The following RRM2 variants were observed in gnomAD, a reference collection of about 807,000 sequenced individuals.
The protein encoded by RRM2 is ribonucleotide reductase regulatory subunit M2, also known as ribonucleoside-diphosphate reductase subunit M2.
A neutral mutation model predicts 45.9 loss-of-function variants in RRM2; 6 were observed. The observed-to-expected ratio is 0.13, with a 90% CI of 0.07 to 0.26. RRM2 has a LOEUF of 0.26. RRM2 is among the 10% of genes least tolerant of loss of function. The pLI, the probability that RRM2 is intolerant of heterozygous loss-of-function variation, is 1.00. For synonymous variants in RRM2, 177 were observed against 173.0 expected (o/e 1.02, Z -0.18); for missense variants, 343 against 489.5 (o/e 0.70, Z 2.82).
At chr2:10,173,513 C>T (rs1032198901) in intron 3 of RRM2, among the ~76,000 whole-genome samples, 7 of 152,216 alleles carry the variant, frequency 4.6e-5, no homozygotes, top group Non-Finnish European at 8.8e-5. Flanking sequence ...CCTCCCTCAG[C>T]AGAGGCCCAG....
chr2:10,152,638 A>G (rs79739510), intron 3 of RRM2, among the ~76,000 whole-genome samples: 349 of 152,094 alleles, frequency 2.3e-3, no homozygotes, highest in South Asian at 4.4e-3. Flanking sequence ...GCCCGCAAGC[A>G]TGTGTGGTTA....
chr2:10,164,449 C>T (rs190736610), intron 3 of RRM2, among the ~76,000 whole-genome samples: 58 of 152,278 alleles, frequency 3.8e-4, no homozygotes, highest in East Asian at 1.5e-3. Context: ...TTATTTTTGA[C>T]GCTGAGGGTC....
At chr2:10,184,149 G>A (rs1664117452) in intron 3 of RRM2, among the ~76,000 whole-genome samples, 2 of 137,162 alleles carry the variant, frequency 1.5e-5, no homozygotes, top group Admixed American at 1.5e-4. Context: ...AGGGTTCCTA[G>A]CCCCGGCTCC....
rs1663821435 is a variant in RRM2 at position 10,172,327 on chromosome 2, C to G, written n.482+29952C>G. On this transcript the variant is annotated intron_variant and non_coding_transcript_variant, in intron 3 of 3. Transcript: ENST00000381786. The surrounding 1 kb of genome is among the most constrained non-coding windows in gnomAD (Gnocchi z 4.9). ...TCCCTGGGCTGTGCCTGTTTCCCTCCCACTTCTGCTGCCTCCATCTGACCC... is the reference window on the plus strand; with the variant it reads ...TCCCTGGGCTGTGCCTGTTTCCCTCGCACTTCTGCTGCCTCCATCTGACCC... 6.6e-6 allele frequency among the ~76,000 whole-genome samples: 1 copy of G among 152,100 alleles called. No homozygotes were observed. The highest frequency in any genetic ancestry group is 2.4e-5 in the African/African-American group (1 of 41,408).
chr2:10,129,524 A>G lies in RRM2; in HGVS notation c.*138A>G, dbSNP rs1181385288. 1 of 878,696 alleles carries G rather than the reference A, an allele frequency of 1.1e-6. No individual in the cohort carries two copies. Among genetic ancestry groups the G allele is most frequent in the Non-Finnish European group, 1.8e-6 (1 of 569,190 alleles). 54.4% of individuals were successfully genotyped at this position (878,696 alleles called of 1,614,324 possible). On this transcript the variant is annotated 3_prime_UTR_variant, in exon 10 of 10. Transcript: ENST00000304567. The surrounding 1 kb of genome is among the most constrained non-coding windows in gnomAD (Gnocchi z 4.8). ...ACAGCATCTTTAAAACTGTGTAGCT[A>G]CCTCACAACCAGTCCTGTCTGTTTA...
At chr2:10,206,550 G>T (rs1378699076) in intron 3 of RRM2, among the ~76,000 whole-genome samples, 3 of 152,214 alleles carry the variant, frequency 2.0e-5, no homozygotes, top group Admixed American at 6.5e-5. Context: ...AAAAAAGGTG[G>T]CAGTGGAAGG....
At chr2:10,200,848 A>G (rs1017142248) in intron 3 of RRM2, among the ~76,000 whole-genome samples, 5 of 152,202 alleles carry the variant, frequency 3.3e-5, no homozygotes, top group African/African-American at 1.2e-4. Context: ...TCCTGCCATA[A>G]AAGAAAACAG....
chr2:10,127,062 C>T lies in RRM2; in HGVS notation c.665-25C>T, dbSNP rs945732285. On this transcript the variant is annotated intron_variant, in intron 6 of 9. Transcript: ENST00000304567. The surrounding 1 kb of genome is among the most constrained non-coding windows in gnomAD (Gnocchi z 4.1). Reference sequence around the variant, plus strand: ...CCCTTGAATACCAACTCACTAGAATCATGTTGGTGTTAACTCCTAAATAGG... The same window carrying T: ...CCCTTGAATACCAACTCACTAGAATTATGTTGGTGTTAACTCCTAAATAGG... 1 of 1,612,812 alleles carries T rather than the reference C, an allele frequency of 6.2e-7. No homozygotes were observed. The highest frequency in any genetic ancestry group is 1.7e-5 in the Admixed American group (1 of 59,984).
chr2:10,149,495 C>T (rs1371206351), intron 3 of RRM2, among the ~76,000 whole-genome samples: 1 of 152,186 alleles, frequency 6.6e-6, no homozygotes, highest in Admixed American at 6.5e-5. Flanking sequence ...TTCATCTGTT[C>T]TATGACAACA....
chr2:10,123,957 T>A, intron 4 of RRM2, 105 bp downstream of exon 4: 1 of 719,808 alleles, frequency 1.4e-6, no homozygotes, highest in East Asian at 2.4e-5. Flanking sequence ...TGCATCTGTG[T>A]GTGTAAGCTG....
intron 2 of RRM2, 100 bp from the exon 3 acceptor site, chr2:10,123,287 C>A: frequency 7.0e-7 from 1 of 1,420,674 alleles, no homozygotes; most frequent in Non-Finnish European, 9.4e-7. Context: ...TCACATCGGG[C>A]CCCGTGAAAT....
At position 10,127,194 on chromosome 2, in the gene RRM2, T is replaced by G; in HGVS notation, c.772T>G (p.Ser258Ala). ...KRGLMPGLTF[S>A]NELISRDEGL... is the part of the protein sequence containing the mutation. ...AGGACTGATGCCTGGCCTCACATTT[T>G]CTAATGAACTTATTAGCAGAGATGA... The change falls in exon 7 of 10, where the codon TCT (serine) becomes GCT (alanine). Residue 258 changes from serine to alanine, a missense_variant. Around this residue, in one of 2 missense-constraint regions of RRM2, gnomAD observed 212 missense variants for 368.1 expected, o/e 0.58. Transcript: ENST00000304567. This position sits in a 1 kb window ranked among gnomAD's most constrained non-coding sequence, Gnocchi z 4.1. 6.2e-7 allele frequency: 1 copy of G among 1,614,104 alleles called. No individual in the cohort carries two copies.
chr2:10,143,599 G>T (rs942512512), intron 3 of RRM2, among the ~76,000 whole-genome samples: 1 of 152,206 alleles, frequency 6.6e-6, no homozygotes, highest in African/African-American at 2.4e-5. Context: ...CACTGGGGGG[G>T]CCTGGTTGAG....
At chr2:10,155,904 G>A (rs915833546) in intron 3 of RRM2, 1 of 152,246 alleles carries the variant, frequency 6.6e-6, no homozygotes, top group African/African-American at 2.4e-5. Flanking sequence ...AGGATAAGGA[G>A]GCTACAGCCC....
At chr2:10,188,127 C>A (rs868448654) in intron 3 of RRM2, among the ~76,000 whole-genome samples, 8 of 152,332 alleles carry the variant, frequency 5.3e-5, no homozygotes, top group African/African-American at 1.9e-4. Flanking sequence ...CCCCGAGCTG[C>A]AGCCCCAGGG....
intron 3 of RRM2, among the ~76,000 whole-genome samples, chr2:10,168,979 T>C (rs187561730): frequency 2.6e-5 from 4 of 152,094 alleles, no homozygotes; most frequent in Non-Finnish European, 5.9e-5. Context: ...ATAATATTTA[T>C]TTATTTATTT....
Position 10,122,811 on chromosome 2 carries a change from C to A in RRM2, c.13C>A (p.Arg5Ser), listed in dbSNP as rs1384589190. The A allele has an allele frequency of 2.5e-6, 4 of 1,593,706 alleles. No individual in the cohort carries two copies. Among genetic ancestry groups the A allele is most frequent in the Non-Finnish European group, 2.6e-6 (3 of 1,171,662 alleles). The change falls in exon 1 of 10, where the codon CGT (arginine) becomes AGT (serine). Residue 5 changes from arginine (R) to serine (S), a missense_variant. By Grantham distance (110) the Arg-to-Ser change is moderately radical (BLOSUM62 -1). Coordinates refer to ENST00000304567, the MANE Select transcript of RRM2 (RefSeq NM_001034.4). The part of the protein sequence containing the change: MLSL[R>S]VPLAPITDPQ... Reference sequence around the variant, plus strand: ...CTGCGCCTCCACTATGCTCTCCCTCCGTGTCCCGCTCGCGCCCATCACGGA... The same window carrying A: ...CTGCGCCTCCACTATGCTCTCCCTCAGTGTCCCGCTCGCGCCCATCACGGA...
At chr2:10,146,551 G>A (rs1663190792) in intron 3 of RRM2, among the ~76,000 whole-genome samples, 1 of 152,330 alleles carries the variant, frequency 6.6e-6, no homozygotes, top group African/African-American at 2.4e-5. Context: ...GCCTTCTGGG[G>A]GCTGCTAGCC....
At chr2:10,125,118 CAAACT>C (rs1662752053) in intron 5 of RRM2, among the ~76,000 whole-genome samples, 3 of 152,198 alleles carry the variant, frequency 2.0e-5, no homozygotes, top group Admixed American at 2.0e-4. Flanking sequence ...TTGGGTAAGA[CAAACT>C]AAAACCTATG....
Sources: allele counts gnomAD v4.1 joint callset (sites outside exome capture counted in the v4.1 genomes callset), GRCh38; gene constraint gnomAD v4.1.1; regional missense constraint gnomAD v4.1.1; non-coding constraint Gnocchi (gnomAD v3.1); transcripts MANE v1.5; gene names NCBI Gene and HGNC (gene_info 2026-07-23, HGNC 2026-07-21).